Variants in RHOJ observed in about 807,000 individuals in gnomAD.
RHOJ encodes ras homolog family member J, also known as rho-related GTP-binding protein RhoJ.
RHOJ carries 11 observed loss-of-function variants against 23.4 expected under a neutral mutation model. That is an observed-to-expected ratio of 0.47 (90% CI 0.30 to 0.78). The LOEUF (loss-of-function observed/expected upper bound fraction) is 0.78. Among genes scored for constraint, RHOJ ranks in the 30% least tolerant of loss-of-function variants. RHOJ has a pLI of 0.08. For synonymous variants in RHOJ, 102 were observed against 102.7 expected (o/e 0.99, Z 0.04); for missense variants, 254 against 273.4 (o/e 0.93, Z 0.50).
intron 1 of RHOJ, among the ~76,000 whole-genome samples, chr14:63,213,534 C>T (rs879916702): frequency 1.3e-5 from 2 of 152,164 alleles, no homozygotes; most frequent in African/African-American, 2.4e-5. Context: ...ATCCAATCCA[C>T]CATTGATGGG....
rs116135038 is a variant in RHOJ, at chr14:63,209,386, G to A, written c.178+4339G>A. Among the ~76,000 whole-genome samples the A allele has an allele frequency of 5.4e-3, 825 of 152,276 alleles. 3 individuals are homozygous for A. The highest frequency in any genetic ancestry group is 0.019 in the African/African-American group (784 of 41,552). ...ATCTCTTAACACTCTCCTCATCAGT[G>A]TTTTTGCTTTAGCCACACTCACCAT... is the stretch of plus-strand genomic sequence containing the variant. On this transcript the variant is annotated intron_variant, in intron 1 of 4. Coordinates refer to ENST00000316754, the MANE Select transcript of RHOJ (RefSeq NM_020663.5).
In RHOJ at chr14:63,204,998, C is replaced by T. The variant is rs1207287812; in HGVS notation, c.129C>T (p.Asn43=). The T allele has an allele frequency of 5.6e-6, 9 of 1,614,078 alleles. No individual in the cohort carries two copies. The Admixed American group carries it at 6.7e-5, about 12-fold the overall frequency. ...CCTGCCTGCTGATGAGCTACGCCAACGACGCCTTCCCAGAGGAATACGTGC... is the reference window on the plus strand; with the variant it reads ...CCTGCCTGCTGATGAGCTACGCCAATGACGCCTTCCCAGAGGAATACGTGC... ...GKTCLLMSYA[N]DAFPEEYVPT... The change falls in exon 1 of 5, where the codon AAC becomes AAT. Residue 43 remains asparagine, a synonymous_variant. Transcript: ENST00000316754.
intron 1 of RHOJ, among the ~76,000 whole-genome samples, chr14:63,264,710 G>T (rs542991487): frequency 6.6e-6 from 1 of 152,114 alleles, no homozygotes; most frequent in Non-Finnish European, 1.5e-5. Flanking sequence ...TTCAGTAATA[G>T]CCATTCTGAC....
chr14:63,281,164 G>A (rs1471550216), intron 3 of RHOJ, 29 bp downstream of exon 3: 1 of 1,573,324 alleles, frequency 6.4e-7, no homozygotes, highest in East Asian at 2.3e-5. Context: ...GCAGGGTGGA[G>A]CGGGCTGCAA....
Position 63,291,335 on chromosome 14 carries a change from A to G in RHOJ, c.*311A>G, listed in dbSNP as rs1594781680. 1.1e-5 allele frequency: 4 copies of G among 378,022 alleles called. No homozygotes were observed. The East Asian group carries it at 1.9e-4, about 18-fold the overall frequency. 23.4% of individuals were successfully genotyped at this position (378,022 alleles called of 1,614,324 possible). A position where few individuals can be genotyped will look rare whatever the true frequency, so the allele number is the denominator to read the frequency against. ...CTCACATTTTACAAATCCCCAGCTC[A>G]TGAACGTGAAGCTGATAGGAAATCA... On this transcript the variant is annotated 3_prime_UTR_variant, in exon 5 of 5. Transcript: ENST00000316754.
In RHOJ at chr14:63,220,858, C is replaced by G. The variant is rs183920977; in HGVS notation, c.178+15811C>G. Among the ~76,000 whole-genome samples, 213 of 152,302 alleles carry G rather than the reference C, an allele frequency of 1.4e-3. 1 individual carries two copies. The highest frequency in any genetic ancestry group is 4.9e-3 in the African/African-American group (204 of 41,570). ...TCCTTCCTCCCTCATACACACTATC[C>G]TTCAATGGCTAATGATACAGAAATT... is the stretch of plus-strand genomic sequence containing the variant. On this transcript the variant is annotated intron_variant, in intron 1 of 4. Coordinates refer to ENST00000316754, the MANE Select transcript of RHOJ (RefSeq NM_020663.5).
chr14:63,253,728 T>C (rs1473232148), intron 1 of RHOJ, among the ~76,000 whole-genome samples: 1 of 152,190 alleles, frequency 6.6e-6, no homozygotes, highest in African/African-American at 2.4e-5. Flanking sequence ...AATGCCATGG[T>C]CAAAGAGCAG....
In RHOJ at chr14:63,204,663, A is replaced by C. The variant is rs1594745676; in HGVS notation, c.-207A>C. ...CGGAAAGGGGCAGACCCTTTTCATA[A>C]CTCCCTCAAGTGTGTGTTACCTTTC... On this transcript the variant is annotated 5_prime_UTR_variant, in exon 1 of 5. Coordinates refer to ENST00000316754, the MANE Select transcript of RHOJ (RefSeq NM_020663.5). The C allele has an allele frequency of 5.0e-6, 3 of 594,560 alleles. No homozygotes were observed. The highest frequency in any genetic ancestry group is 2.8e-5 in the East Asian group (1 of 35,560). 36.8% of individuals were successfully genotyped at this position (594,560 alleles called of 1,614,324 possible).
intron 1 of RHOJ, among the ~76,000 whole-genome samples, chr14:63,226,144 G>A (rs971973269): frequency 6.6e-6 from 1 of 152,054 alleles, no homozygotes; most frequent in African/African-American, 2.4e-5. Context: ...AGAAATAAAG[G>A]AGGAAAAAAT....
intron 2 of RHOJ, among the ~76,000 whole-genome samples, chr14:63,276,273 G>T (rs1253580571): frequency 6.6e-6 from 1 of 152,194 alleles, no homozygotes. Context: ...CCCAGGTGAT[G>T]CCCATGCTGC....
chr14:63,277,496 T>C (rs1008741829), intron 2 of RHOJ, among the ~76,000 whole-genome samples: 1 of 151,850 alleles, frequency 6.6e-6, no homozygotes, highest in African/African-American at 2.4e-5. Flanking sequence ...GAGCAAGGAG[T>C]TGATTAGCAG....
At chr14:63,253,729 C>CA (rs1165126599) in intron 1 of RHOJ, among the ~76,000 whole-genome samples, 3 of 152,156 alleles carry the variant, frequency 2.0e-5, no homozygotes, top group African/African-American at 7.2e-5. Flanking sequence ...ATGCCATGGT[C>CA]AAAGAGCAGA....
At chr14:63,252,055 C>A (rs138226386) in intron 1 of RHOJ, among the ~76,000 whole-genome samples, 1 of 152,122 alleles carries the variant, frequency 6.6e-6, no homozygotes, top group Non-Finnish European at 1.5e-5. Flanking sequence ...CACTGTACTC[C>A]AGCCTGGGCA....
intron 1 of RHOJ, among the ~76,000 whole-genome samples, chr14:63,224,380 T>A (rs1427292466): frequency 6.6e-6 from 1 of 152,228 alleles, no homozygotes; most frequent in Non-Finnish European, 1.5e-5. Flanking sequence ...CTGTAACTCA[T>A]GCGCACGGTC....
intron 1 of RHOJ, among the ~76,000 whole-genome samples, chr14:63,250,615 C>T (rs926459215): frequency 6.6e-6 from 1 of 152,120 alleles, no homozygotes; most frequent in Non-Finnish European, 1.5e-5. Context: ...CACACACACA[C>T]AAATACACCA....
chr14:63,243,916 A>G (rs1295051919), intron 1 of RHOJ, among the ~76,000 whole-genome samples: 2 of 152,190 alleles, frequency 1.3e-5, no homozygotes, highest in African/African-American at 2.4e-5. Flanking sequence ...ATTGTGCAAA[A>G]GGCACTCTTT....
At chr14:63,250,575 T>C (rs930083372) in intron 1 of RHOJ, among the ~76,000 whole-genome samples, 13 of 152,072 alleles carry the variant, frequency 8.5e-5, no homozygotes, top group Non-Finnish European at 1.9e-4. Flanking sequence ...CTGTATGTGT[T>C]TTTTCCTCTG....
At chr14:63,266,523 T>G (rs1895370006) in intron 1 of RHOJ, among the ~76,000 whole-genome samples, 1 of 152,234 alleles carries the variant, frequency 6.6e-6, no homozygotes, top group Non-Finnish European at 1.5e-5. Context: ...CTTTGGGCAG[T>G]ATGGCCATTC....
intron 1 of RHOJ, among the ~76,000 whole-genome samples, chr14:63,239,669 G>A (rs1204148542): frequency 6.6e-5 from 10 of 152,188 alleles, no homozygotes; most frequent in Admixed American, 6.5e-5. Flanking sequence ...TACTGCACCC[G>A]ACCAGAGCTT....
Sources: allele counts gnomAD v4.1 joint callset (sites outside exome capture counted in the v4.1 genomes callset), GRCh38; gene constraint gnomAD v4.1.1; transcripts MANE v1.5; gene names NCBI Gene and HGNC (gene_info 2026-07-23, HGNC 2026-07-21).